SRGAP2C: variants seen among roughly 807,000 people sequenced by gnomAD.
SRGAP2C encodes SLIT-ROBO Rho GTPase activating protein 2C.
Under a neutral mutation model 25.1 loss-of-function variants are expected in SRGAP2C, and 15 were observed. The observed-to-expected ratio is 0.60, with a 90% CI of 0.40 to 0.92. The LOEUF is 0.92. Ranked by LOEUF, SRGAP2C falls within the 40% of genes least tolerant of loss-of-function variation. SRGAP2C has a pLI of 0.00. For missense variants in SRGAP2C, 144 were observed against 264.4 expected, an observed-to-expected ratio of 0.54 and a Z score of 3.16; for synonymous variants, 44 against 96.6, an observed-to-expected ratio of 0.46 and a Z score of 3.19.
chr1:121,337,602 A>T (rs1658545313), intron 4 of SRGAP2C, among the ~76,000 whole-genome samples: 1 of 151,870 alleles, frequency 6.6e-6, no homozygotes, highest in Admixed American at 6.6e-5. Flanking sequence ...ATTGTACTCC[A>T]GCATGGGTGA....
At position 121,339,134 on chromosome 1, in the gene SRGAP2C, T is replaced by C. The variant is rs1553342794; in HGVS notation, c.423+14494T>C. 2.9e-3 allele frequency among the ~76,000 whole-genome samples: 444 copies of C among 151,910 alleles called. 5 individuals are homozygous for C. The highest frequency in any genetic ancestry group is 0.01 in the African/African-American group (424 of 41,476). On this transcript the variant is annotated intron_variant, in intron 4 of 9. Coordinates refer to ENST00000367123, the MANE Select transcript of SRGAP2C (RefSeq NM_001329984.2). Reference sequence around the variant, plus strand: ...TTTTCATTTAACATTTGGAGAAGCATTTTTATCATGTCATTGCATCTTCTT... The same window carrying C: ...TTTTCATTTAACATTTGGAGAAGCACTTTTATCATGTCATTGCATCTTCTT...
At chr1:121,314,317 A>T (rs1207390686) in intron 3 of SRGAP2C, among the ~76,000 whole-genome samples, 1 of 149,810 alleles carries the variant, frequency 6.7e-6, no homozygotes, top group East Asian at 2.0e-4. Context: ...TATTCTAGTT[A>T]TACATTCTTC....
chr1:121,271,285 A>G (rs1443258565), intron 2 of SRGAP2C, among the ~76,000 whole-genome samples: 1 of 147,698 alleles, frequency 6.8e-6, no homozygotes, highest in Non-Finnish European at 1.5e-5. Flanking sequence ...AATAAGGAAG[A>G]CGAAACTAAG....
chr1:121,189,073 C>T (rs1481458557), intron 2 of SRGAP2C, among the ~76,000 whole-genome samples: 2 of 105,974 alleles, frequency 1.9e-5, no homozygotes, highest in African/African-American at 4.2e-5. Context: ...TGGAATCCCC[C>T]CTGCAGTTTT....
rs587723730 is a variant in SRGAP2C at position 121,265,167 on chromosome 1, C to G, written c.68-19636C>G. ...TGAGCCGAGATCATGCCACTGTACT[C>G]CAGCCTGGGCAACCAAGTGAGACTC... is the stretch of plus-strand genomic sequence containing the variant. On this transcript the variant is annotated intron_variant, in intron 2 of 9. Coordinates refer to ENST00000367123, the MANE Select transcript of SRGAP2C (RefSeq NM_001329984.2). Among the ~76,000 whole-genome samples the G allele has an allele frequency of 1.1e-3, 152 of 143,502 alleles. 1 individual carries two copies. Among genetic ancestry groups the G allele is most frequent in the Admixed American group, 8.1e-3 (116 of 14,350 alleles). The allele number at this position is 143,502 out of a possible 152,430, so 94.1% of individuals were successfully genotyped here.
intron 2 of SRGAP2C, among the ~76,000 whole-genome samples, chr1:121,271,105 T>A (rs1656945380): frequency 6.6e-6 from 1 of 151,626 alleles, no homozygotes; most frequent in South Asian, 2.1e-4. Context: ...CTGGACTGTT[T>A]TTTTTTTTGG....
intron 2 of SRGAP2C, among the ~76,000 whole-genome samples, chr1:121,212,287 C>T (rs1436924813): frequency 1.4e-5 from 2 of 145,274 alleles, no homozygotes; most frequent in African/African-American, 2.6e-5. Flanking sequence ...CCCGCCACCA[C>T]GCTCGGCTAA....
chr1:121,328,944 A>G (rs1553341931), intron 4 of SRGAP2C, among the ~76,000 whole-genome samples: 60,040 of 113,238 alleles, frequency 0.53, 16,344 homozygotes, highest in East Asian at 0.75. Flanking sequence ...GGGAGTGGTG[A>G]CTCATGCCTG....
intron 4 of SRGAP2C, among the ~76,000 whole-genome samples, chr1:121,345,685 T>G (rs1450846715): frequency 7.6e-6 from 1 of 131,704 alleles, no homozygotes; most frequent in African/African-American, 2.9e-5. Context: ...GGAGTTTTGC[T>G]CTTGTTGCCC....
At chr1:121,190,171 G>A (rs1190665160) in intron 2 of SRGAP2C, among the ~76,000 whole-genome samples, 3 of 152,144 alleles carry the variant, frequency 2.0e-5, no homozygotes, top group Non-Finnish European at 4.4e-5. Flanking sequence ...CTAGCTAGAA[G>A]CCCTGGGTCA....
At chr1:121,336,066 C>T (rs1398425941) in intron 4 of SRGAP2C, among the ~76,000 whole-genome samples, 1 of 151,766 alleles carries the variant, frequency 6.6e-6, no homozygotes, top group African/African-American at 2.4e-5. Context: ...CATGGCCTTT[C>T]TGGGGTTTCC....
chr1:121,287,594 T>C (rs1415237158), intron 3 of SRGAP2C, among the ~76,000 whole-genome samples: 1 of 152,194 alleles, frequency 6.6e-6, no homozygotes, highest in Non-Finnish European at 1.5e-5. Flanking sequence ...CTTATGGACG[T>C]ATTTGTTACA....
chr1:121,197,901 A>C (rs1410613279), intron 2 of SRGAP2C, among the ~76,000 whole-genome samples: 1 of 2,562 alleles, frequency 3.9e-4, no homozygotes, highest in African/African-American at 1.6e-3. Context: ...TCACCATTTT[A>C]ATCAGGCACT....
At chr1:121,295,342 T>C (rs1215778864) in intron 3 of SRGAP2C, among the ~76,000 whole-genome samples, 1 of 151,674 alleles carries the variant, frequency 6.6e-6, no homozygotes, top group Non-Finnish European at 1.5e-5. Flanking sequence ...TTAAGGAAGA[T>C]TAACCTAGTG....
Position 121,391,643 on chromosome 1 carries a change from G to C in SRGAP2C, c.*3788G>C, listed in dbSNP as rs1233451800. The C allele has an allele frequency of 1.3e-5, 2 of 152,084 alleles. No individual in the cohort carries two copies. Among genetic ancestry groups the C allele is most frequent in the Non-Finnish European group, 2.9e-5 (2 of 68,022 alleles). 9.4% of individuals were successfully genotyped at this position (152,084 alleles called of 1,614,324 possible). ...ACCAAACAGTTTTGTAAATCACTTT[G>C]GAAAATTTCACTAAAAAAAAAAATC... On this transcript the variant is annotated 3_prime_UTR_variant, in exon 10 of 10. Transcript: ENST00000367123.
intron 3 of SRGAP2C, among the ~76,000 whole-genome samples, chr1:121,301,185 CCTT>C (rs1444889489): frequency 1.8e-5 from 2 of 112,418 alleles, no homozygotes; most frequent in Non-Finnish European, 3.7e-5. Flanking sequence ...GCTTAGGAAA[CCTT>C]CTACTTTACA....
At chr1:121,314,683 C>CCAACAGGG (rs1658053488) in intron 3 of SRGAP2C, among the ~76,000 whole-genome samples, 1 of 149,736 alleles carries the variant, frequency 6.7e-6, no homozygotes, top group African/African-American at 2.5e-5. Context: ...GAATACCCTG[C>CCAACAGGG]TGTGTGAGGT....
chr1:121,224,113 G>T, intron 2 of SRGAP2C, among the ~76,000 whole-genome samples: 1 of 151,090 alleles, frequency 6.6e-6, no homozygotes, highest in South Asian at 2.1e-4. Flanking sequence ...TTCTGCCTCT[G>T]AGCGTGCATC....
At chr1:121,285,398 T>TCACA (rs1183882272) in intron 3 of SRGAP2C, among the ~76,000 whole-genome samples, 2 of 64,444 alleles carry the variant, frequency 3.1e-5, no homozygotes, top group Middle Eastern at 6.8e-3. Context: ...TCTGTCTCTC[T>TCACA]CTCTCTCACA....
Sources: gnomAD v4.1 joint callset for allele counts (sites outside exome capture counted in the v4.1 genomes callset) on GRCh38, gnomAD v4.1.1 for gene constraint, MANE v1.5 for transcripts, NCBI Gene and HGNC (gene_info 2026-07-23, HGNC 2026-07-21) for gene names.